PCDH9: variants seen among roughly 807,000 people sequenced by gnomAD.
PCDH9 encodes the protein protocadherin 9, also known as protocadherin-9.
PCDH9 carries 24 observed loss-of-function variants against 70.6 expected under a neutral mutation model. The observed-to-expected ratio is 0.34, with a 90% confidence interval of 0.25 to 0.48. PCDH9 has a LOEUF of 0.48. PCDH9 is among the 20% of genes least tolerant of loss of function. The probability of loss-of-function intolerance (pLI) is 0.99; values close to 1 mark genes in which losing one functional copy is unlikely to be tolerated. For synonymous variants in PCDH9, 562 were observed against 558.5 expected (o/e 1.01, Z -0.09); for missense variants, 1,281 against 1,503.6 (o/e 0.85, Z 2.45).
chr13:66,626,181 C>G (rs552104314), intron 4 of PCDH9, among the ~76,000 whole-genome samples: 8 of 151,938 alleles, frequency 5.3e-5, no homozygotes, highest in Admixed American at 3.9e-4. Context: ...ATTCAGTCAA[C>G]CCGGTTGGGA....
At chr13:67,096,804 C>T (rs2086329431) in intron 2 of PCDH9, among the ~76,000 whole-genome samples, 1 of 152,096 alleles carries the variant, frequency 6.6e-6, no homozygotes, top group African/African-American at 2.4e-5. Flanking sequence ...GGGCGAGATA[C>T]ATGGGAATTC....
At chr13:67,027,624 A>C (rs1463883774) in intron 2 of PCDH9, among the ~76,000 whole-genome samples, 1 of 150,638 alleles carries the variant, frequency 6.6e-6, no homozygotes, top group African/African-American at 2.4e-5. Context: ...CATCAGAGTG[A>C]ACAGGCAACC....
At chr13:66,320,753 C>T (rs998604792) in intron 4 of PCDH9, among the ~76,000 whole-genome samples, 2 of 151,898 alleles carry the variant, frequency 1.3e-5, no homozygotes, top group African/African-American at 4.8e-5. Flanking sequence ...ACCTTGTTGA[C>T]AGTAGTATTA....
chr13:66,542,843 A>G (rs1961024810), intron 4 of PCDH9, among the ~76,000 whole-genome samples: 2 of 148,824 alleles, frequency 1.3e-5, no homozygotes, highest in Admixed American at 6.7e-5. Flanking sequence ...GATTCTGTGG[A>G]GAACCCTATA....
chr13:67,225,055 T>C, intron 2 of PCDH9: 1 of 1,119,330 alleles, frequency 8.9e-7, no homozygotes. Context: ...GTGAAAGTCT[T>C]GAAGCAGTCA....
chr13:66,593,394 G>A (rs1388022358), intron 4 of PCDH9, among the ~76,000 whole-genome samples: 1 of 151,620 alleles, frequency 6.6e-6, no homozygotes, highest in Admixed American at 6.6e-5. Context: ...AGCAGATATG[G>A]AATAGATTTT....
At chr13:67,145,725 C>T (rs945969185) in intron 2 of PCDH9, among the ~76,000 whole-genome samples, 7 of 151,856 alleles carry the variant, frequency 4.6e-5, no homozygotes, top group Non-Finnish European at 1.0e-4. Flanking sequence ...CCATCCATCT[C>T]AAAAGGCAAA....
rs1169546525 is a variant in PCDH9, at chr13:66,740,580, T to TAGCAA, written c.3139-109170_3139-109169insTTGCT. Among the ~76,000 whole-genome samples, 5 of 148,018 alleles carry TAGCAA rather than the reference T, an allele frequency of 3.4e-5. No homozygotes were observed. The East Asian group carries it at 1.0e-3, about 30-fold the overall frequency. ...GGTTTTTTGAAAGGATCACCAAAAG[T>TAGCAA]GATAGGCCGCTAGCAAGACTAATAA... On this transcript the variant is annotated intron_variant, in intron 3 of 4. Transcript: ENST00000377865.
chr13:66,401,539 T>G (rs528472917), intron 4 of PCDH9, among the ~76,000 whole-genome samples: 12 of 152,148 alleles, frequency 7.9e-5, no homozygotes, highest in Non-Finnish European at 1.8e-4. Context: ...ATTAGCAGCA[T>G]GAGAATGGAC....
At chr13:66,796,338 G>A (rs1437501093) in intron 3 of PCDH9, among the ~76,000 whole-genome samples, 1 of 152,166 alleles carries the variant, frequency 6.6e-6, no homozygotes, top group Admixed American at 6.6e-5. Flanking sequence ...GTAAAACATG[G>A]AAGCCTACCA....
chr13:67,059,861 G>T (rs1300626657), intron 2 of PCDH9, among the ~76,000 whole-genome samples: 2 of 140,014 alleles, frequency 1.4e-5, no homozygotes, highest in Non-Finnish European at 3.0e-5. Flanking sequence ...GTGTATTTCT[G>T]TTGTTTGTTT....
rs368651816 is a variant in PCDH9 at position 66,622,089 on chromosome 13, C to G, written c.3340+9121G>C. On this transcript the variant is annotated intron_variant, in intron 4 of 4. Coordinates refer to ENST00000377865, the MANE Select transcript of PCDH9 (RefSeq NM_203487.3). ...CCAGGGCAATGAGGGGCTTAGCACC[C>G]GGGCCAGCGGCTGCAGAGTGTGTAC... 4.4e-3 allele frequency among the ~76,000 whole-genome samples: 673 copies of G among 152,340 alleles called. 7 individuals carry two copies. The highest frequency in any genetic ancestry group is 0.016 in the African/African-American group (652 of 41,586).
chr13:66,719,197 G>A (rs1345262538), intron 3 of PCDH9, among the ~76,000 whole-genome samples: 1 of 152,144 alleles, frequency 6.6e-6, no homozygotes, highest in Admixed American at 6.5e-5. Context: ...CAACTACTCT[G>A]TAGCTAGATG....
intron 2 of PCDH9, chr13:67,216,391 ATTTAAGT>A (rs1278455555): frequency 5.3e-5 from 8 of 151,906 alleles, no homozygotes. Context: ...TTTGATACCT[ATTTAAGT>A]TTTAAGGCAA....
intron 2 of PCDH9, among the ~76,000 whole-genome samples, chr13:66,964,326 A>T (rs939292880): frequency 1.3e-5 from 2 of 151,710 alleles, no homozygotes; most frequent in Non-Finnish European, 2.9e-5. Context: ...AAGACAGGCA[A>T]AACAAATCTA....
chr13:66,876,664 A>T (rs1017091224), intron 3 of PCDH9, among the ~76,000 whole-genome samples: 10 of 152,166 alleles, frequency 6.6e-5, no homozygotes, highest in Admixed American at 2.0e-4. Flanking sequence ...AAAGTGAATC[A>T]TGAAAATTAT....
At chr13:66,525,792 CA>C (rs1960192457) in intron 4 of PCDH9, among the ~76,000 whole-genome samples, 2 of 152,036 alleles carry the variant, frequency 1.3e-5, no homozygotes, top group African/African-American at 4.8e-5. Context: ...TCAGCGTGGC[CA>C]AAATGAAGCT....
At chr13:66,710,754 T>C (rs1451544176) in intron 3 of PCDH9, among the ~76,000 whole-genome samples, 1 of 152,114 alleles carries the variant, frequency 6.6e-6, no homozygotes, top group African/African-American at 2.4e-5. Context: ...GGAGAATCCA[T>C]TTCCTTGCCT....
intron 2 of PCDH9, among the ~76,000 whole-genome samples, chr13:67,054,979 G>A (rs774760618): frequency 4.6e-5 from 7 of 152,142 alleles, no homozygotes; most frequent in South Asian, 2.1e-4. Flanking sequence ...TCAGAAAACC[G>A]TATGATTTTA....
Sources: gnomAD v4.1 joint callset for allele counts (sites outside exome capture counted in the v4.1 genomes callset) on GRCh38, gnomAD v4.1.1 for gene constraint, MANE v1.5 for transcripts, NCBI Gene and HGNC (gene_info 2026-07-23, HGNC 2026-07-21) for gene names.